Variants in MTMR3 observed in about 807,000 individuals in gnomAD.
MTMR3 encodes the protein phosphatidylinositol-3,5-bisphosphate 3-phosphatase MTMR3.
MTMR3 carries 32 observed loss-of-function variants against 132.4 expected under a neutral mutation model. The observed-to-expected ratio is 0.24, with a 90% CI of 0.18 to 0.32. MTMR3 has a LOEUF of 0.32. Among genes scored for constraint, MTMR3 ranks in the 10% least tolerant of loss-of-function variants. The probability of loss-of-function intolerance (pLI) is 1.00; values close to 1 mark genes in which losing one functional copy is unlikely to be tolerated. For missense variants in MTMR3, 1,216 were observed against 1,489.6 expected, an observed-to-expected ratio of 0.82 and a Z score of 3.02; for synonymous variants, 556 against 550.3, an observed-to-expected ratio of 1.01 and a Z score of -0.14.
At chr22:29,978,883 C>CT (rs372775454) in intron 4 of MTMR3, 53 bp from the exon 5 acceptor site, 16,784 of 1,088,114 alleles carry the variant, frequency 0.015, 1 homozygote, top group Non-Finnish European at 0.018. Flanking sequence ...ATGTTTGAAG[C>CT]TTTTTTTTTT....
At chr22:29,886,861 A>G (rs577314031) in intron 1 of MTMR3, among the ~76,000 whole-genome samples, 93 of 152,280 alleles carry the variant, frequency 6.1e-4, no homozygotes, top group African/African-American at 2.1e-3. Flanking sequence ...AAGTCATGAG[A>G]CTTGAGAATG....
chr22:29,971,683 C>A (rs1005076723), intron 3 of MTMR3, among the ~76,000 whole-genome samples: 19 of 152,024 alleles, frequency 1.2e-4, no homozygotes, highest in African/African-American at 4.6e-4. Flanking sequence ...GCCCTGCACA[C>A]CCCCTCCTGT....
chr22:29,984,043 T>G (rs1266895056), intron 5 of MTMR3: 2 of 152,162 alleles, frequency 1.3e-5, no homozygotes, highest in Non-Finnish European at 2.9e-5. Context: ...GGTCTTGAAC[T>G]CCTGGGCTCA....
chr22:30,006,970 AC>A, intron 9 of MTMR3, 143 bp from the exon 10 acceptor site: 1 of 719,438 alleles, frequency 1.4e-6, no homozygotes, highest in Admixed American at 2.8e-5. Context: ...TAAGATTTCT[AC>A]CCTCTTTAAT....
At chr22:29,910,159 A>G (rs1290981443) in intron 1 of MTMR3, among the ~76,000 whole-genome samples, 3 of 145,982 alleles carry the variant, frequency 2.1e-5, no homozygotes, top group Non-Finnish European at 3.0e-5. Flanking sequence ...ACGAGACTCC[A>G]TCTCAAAAAA....
Position 29,978,651 on chromosome 22 carries a change from A to G in MTMR3, c.93+120A>G, listed in dbSNP as rs906777009. On this transcript the variant is annotated intron_variant, in intron 4 of 19. Transcript: ENST00000401950. ...TATATATAACATACATGTAGTAGAA[A>G]TGCAAGCTGGAAAACATCTCATTTT... 3 of 745,280 alleles carry G rather than the reference A, an allele frequency of 4.0e-6. No individual in the cohort carries two copies. The African/African-American group carries it at 5.3e-5, about 13-fold the overall frequency. The allele number at this position is 745,280 out of a possible 1,614,324, so 46.2% of individuals were successfully genotyped here. A position where few individuals can be genotyped will look rare whatever the true frequency, so the allele number is the denominator to read the frequency against.
chr22:29,954,771 C>T (rs2066155513), intron 1 of MTMR3, among the ~76,000 whole-genome samples: 1 of 152,174 alleles, frequency 6.6e-6, no homozygotes, highest in Non-Finnish European at 1.5e-5. Context: ...TCGACTTGAC[C>T]TGTCTCTTGA....
chr22:30,017,936 C>G lies in MTMR3; in HGVS notation c.1684C>G (p.Pro562Ala), dbSNP rs1288289985. ...CCTCCCCCCTCCTCAGGTGCTGTAC[C>G]CTGTGTGCCATGTGCGTAACCTGAT... ...YSSQSEAVLY[P>A]VCHVRNLMLW... Residue 562 changes from proline (P) to alanine (A), a missense_variant, in exon 16 of 20, where the codon CCT becomes GCT. Physicochemically the swap from Pro to Ala is conservative, Grantham distance 27. This residue lies in a region of MTMR3 where 852 missense variants were observed against 852.0 expected (regional missense o/e 1.00). Transcript: ENST00000401950. 6.2e-7 allele frequency: 1 copy of G among 1,613,456 alleles called. No homozygotes were observed. The highest frequency in any genetic ancestry group is 1.3e-5 in the African/African-American group (1 of 74,992).
chr22:29,896,869 TCACACACACACA>T (rs61038012), intron 1 of MTMR3, among the ~76,000 whole-genome samples: 1 of 138,146 alleles, frequency 7.2e-6, no homozygotes, highest in African/African-American at 2.7e-5. Context: ...CAGGCTTGTC[TCACACACACACA>T]CACACACACA....
rs980450381 is a variant in MTMR3, at chr22:29,923,052, T to TC, written c.-137-33984_-137-33983insC. On this transcript the variant is annotated intron_variant, in intron 1 of 19. Coordinates refer to ENST00000401950, the MANE Select transcript of MTMR3 (RefSeq NM_021090.4). ...ACCACATCCAGCCAATTTTTTTTTT[T>TC]TTTTTTTGAGACGGAGTCTTGCTCT... Among the ~76,000 whole-genome samples, 4 of 149,968 alleles carry TC rather than the reference T, an allele frequency of 2.7e-5. No homozygotes were observed. The East Asian group carries it at 7.8e-4, about 29-fold the overall frequency.
chr22:29,902,735 TCCTCTCCTCC>T (rs755865297), intron 1 of MTMR3, among the ~76,000 whole-genome samples: 5 of 152,256 alleles, frequency 3.3e-5, no homozygotes, highest in Non-Finnish European at 7.4e-5. Flanking sequence ...CTTTTTCTTC[TCCTCTCCTCC>T]CCTCTCCTCC....
intron 1 of MTMR3, among the ~76,000 whole-genome samples, chr22:29,884,444 C>A (rs1007837030): frequency 4.0e-5 from 6 of 150,674 alleles, no homozygotes; most frequent in African/African-American, 1.5e-4. Flanking sequence ...CTTCCCCTTT[C>A]AGATTCAGGG....
intron 14 of MTMR3, 112 bp downstream of exon 14, chr22:30,013,653 G>T: frequency 9.7e-7 from 1 of 1,027,200 alleles, no homozygotes; most frequent in South Asian, 2.2e-5. Flanking sequence ...TAATAGAGGT[G>T]ATTTTTTTCC....
rs569525874 is a variant in MTMR3, at chr22:29,921,332, C to T, written c.-137-35704C>T. Among the ~76,000 whole-genome samples the T allele has an allele frequency of 3.9e-5, 6 of 152,128 alleles. No individual in the cohort carries two copies. In the South Asian group the frequency reaches 1.2e-3, roughly 32 times the overall value. On this transcript the variant is annotated intron_variant, in intron 1 of 19. Transcript: ENST00000401950. ...AATAGAGCGAGAACTTGCTTATTAC[C>T]GAGGGGAGGGCACCAAGCCATATTA... is the stretch of plus-strand genomic sequence containing the variant.
chr22:29,903,563 G>T (rs1046674092), intron 1 of MTMR3, among the ~76,000 whole-genome samples: 9 of 150,400 alleles, frequency 6.0e-5, no homozygotes, highest in African/African-American at 2.0e-4. Flanking sequence ...AATTTTTGTG[G>T]TTTTTTTTGC....
At chr22:30,001,146 C>T (rs748827152) in intron 8 of MTMR3, 1 of 152,152 alleles carries the variant, frequency 6.6e-6, no homozygotes, top group Non-Finnish European at 1.5e-5. Flanking sequence ...AATCCCAGCA[C>T]TTTGGGAGGC....
intron 5 of MTMR3, chr22:29,986,865 C>G (rs1012370425): frequency 6.6e-6 from 1 of 151,756 alleles, no homozygotes; most frequent in Admixed American, 6.6e-5. Context: ...TACAGGCATG[C>G]ACCAAAATAC....
rs143403970 is a variant in MTMR3, at chr22:29,949,500, G to GCCCC, written c.-137-7530_-137-7527dup. Among the ~76,000 whole-genome samples, 13 of 94,734 alleles carry GCCCC rather than the reference G, an allele frequency of 1.4e-4. 1 individual carries two copies. Among genetic ancestry groups the GCCCC allele is most frequent in the African/African-American group, 6.4e-4 (13 of 20,326 alleles). 62.1% of individuals were successfully genotyped at this position (94,734 alleles called of 152,430 possible). A position where few individuals can be genotyped will look rare whatever the true frequency, so the allele number is the denominator to read the frequency against. ...GATAAAGTAAGACTCTGTCCCCCGCGCCCCCCCCCAAAAAAAAAAAACAAC... is the reference window on the plus strand; with the variant it reads ...GATAAAGTAAGACTCTGTCCCCCGCGCCCCCCCCCCCCCAAAAAAAAAAAACAAC... On this transcript the variant is annotated intron_variant, in intron 1 of 19. Transcript: ENST00000401950.
rs1308700101 is a variant in MTMR3 at position 29,908,095 on chromosome 22, G to A, written c.-138+24736G>A. Among the ~76,000 whole-genome samples the A allele has an allele frequency of 3.9e-5, 6 of 152,170 alleles. No individual in the cohort carries two copies. The East Asian group carries it at 1.2e-3, about 29-fold the overall frequency. On this transcript the variant is annotated intron_variant, in intron 1 of 19. Coordinates refer to ENST00000401950, the MANE Select transcript of MTMR3 (RefSeq NM_021090.4). ...GTAGGAAGGACTTCCACAGTCGGAT[G>A]CAAGTAAGATTTTTTTTCCTAACAA...
Sources: gnomAD v4.1 joint callset for allele counts (sites outside exome capture counted in the v4.1 genomes callset) on GRCh38, gnomAD v4.1.1 for gene constraint, gnomAD v4.1.1 regional missense constraint, MANE v1.5 for transcripts, NCBI Gene and HGNC (gene_info 2026-07-23, HGNC 2026-07-21) for gene names.